NECAB1: variants seen among roughly 807,000 people sequenced by gnomAD.
NECAB1 encodes the protein N-terminal EF-hand calcium-binding protein 1.
In NECAB1, 29 loss-of-function variants were observed where a neutral mutation model predicts 57.5. The observed-to-expected ratio is 0.50, with a 90% CI of 0.38 to 0.69. The LOEUF is 0.69. Among genes scored for constraint, NECAB1 ranks in the 30% least tolerant of loss-of-function variants. The probability of loss-of-function intolerance (pLI) is 0.00; values close to 1 mark genes in which losing one functional copy is unlikely to be tolerated. For synonymous variants in NECAB1, 142 were observed against 147.7 expected (o/e 0.96, Z 0.28); for missense variants, 372 against 413.8 (o/e 0.90, Z 0.88).
At chr8:90,950,097 G>C (rs1810895110) in intron 11 of NECAB1, among the ~76,000 whole-genome samples, 1 of 152,054 alleles carries the variant, frequency 6.6e-6, no homozygotes. Flanking sequence ...TTTTGGTAAT[G>C]ATCCCACTTT....
At chr8:90,868,934 C>T (rs1808568120) in intron 3 of NECAB1, among the ~76,000 whole-genome samples, 1 of 152,198 alleles carries the variant, frequency 6.6e-6, no homozygotes, top group Non-Finnish European at 1.5e-5. Flanking sequence ...GGCCTGGAGG[C>T]CTAGGAGGGA....
intron 3 of NECAB1, among the ~76,000 whole-genome samples, chr8:90,830,500 T>C (rs1812285007): frequency 6.6e-6 from 1 of 152,078 alleles, no homozygotes; most frequent in Non-Finnish European, 1.5e-5. Flanking sequence ...AAACCGGGCT[T>C]GCCAGGCTTG....
At chr8:90,835,395 G>C (rs1812355487) in intron 3 of NECAB1, among the ~76,000 whole-genome samples, 1 of 152,056 alleles carries the variant, frequency 6.6e-6, no homozygotes, top group Non-Finnish European at 1.5e-5. Context: ...GACTTGCCAG[G>C]CTTGGGCTTA....
intron 3 of NECAB1, among the ~76,000 whole-genome samples, chr8:90,834,814 A>G (rs1172853016): frequency 6.6e-6 from 1 of 152,108 alleles, no homozygotes; most frequent in African/African-American, 2.4e-5. Flanking sequence ...TATGCATTCT[A>G]TTTTAATCAT....
chr8:90,807,005 G>T (rs184811379), intron 2 of NECAB1, among the ~76,000 whole-genome samples: 94 of 152,114 alleles, frequency 6.2e-4, no homozygotes, highest in Middle Eastern at 6.8e-3. Context: ...TCACTTTGTT[G>T]TATATGCACC....
intron 3 of NECAB1, among the ~76,000 whole-genome samples, chr8:90,869,016 T>G (rs1604919): frequency 0.43 from 65,827 of 152,120 alleles, 16,634 homozygotes; most frequent in East Asian, 0.77. Context: ...CCCTGCATCT[T>G]GGCCGCAGCT....
chr8:90,911,841 T>G (rs1400096432), intron 5 of NECAB1, among the ~76,000 whole-genome samples: 1 of 152,160 alleles, frequency 6.6e-6, no homozygotes, highest in African/African-American at 2.4e-5. Context: ...AATGGGTTAA[T>G]AGCAATAATG....
chr8:90,852,808 A>G (rs1812710804), intron 3 of NECAB1, among the ~76,000 whole-genome samples: 1 of 152,176 alleles, frequency 6.6e-6, no homozygotes, highest in Non-Finnish European at 1.5e-5. Context: ...AGCCACTTTC[A>G]TCAGCAATAA....
intron 12 of NECAB1, among the ~76,000 whole-genome samples, chr8:90,952,709 G>T (rs1238425278): frequency 6.6e-6 from 1 of 151,914 alleles, no homozygotes; most frequent in South Asian, 2.1e-4. Context: ...CCCAGGAGGC[G>T]GAGGGTTGCA....
At chr8:90,809,220 C>A (rs1472394253) in intron 2 of NECAB1, among the ~76,000 whole-genome samples, 5 of 152,196 alleles carry the variant, frequency 3.3e-5, no homozygotes, top group Non-Finnish European at 7.3e-5. Context: ...CATCTCAGGA[C>A]AGGAACCACC....
At chr8:90,806,041 T>C (rs981182845) in intron 2 of NECAB1, among the ~76,000 whole-genome samples, 5 of 152,240 alleles carry the variant, frequency 3.3e-5, no homozygotes, top group African/African-American at 9.6e-5. Context: ...TATTTGTTTT[T>C]GTGTGGGGTG....
At chr8:90,941,930 A>G (rs999058314) in intron 10 of NECAB1, among the ~76,000 whole-genome samples, 4 of 152,146 alleles carry the variant, frequency 2.6e-5, no homozygotes, top group Non-Finnish European at 5.9e-5. Context: ...TATATTTCAT[A>G]ATGCTCTTCA....
At chr8:90,800,463 A>G (rs1195113716) in intron 1 of NECAB1, among the ~76,000 whole-genome samples, 4 of 152,140 alleles carry the variant, frequency 2.6e-5, no homozygotes, top group Admixed American at 6.5e-5. Context: ...TGGGTTTGGC[A>G]TAGATGGCTC....
intron 5 of NECAB1, among the ~76,000 whole-genome samples, chr8:90,910,373 AT>A (rs985108933): frequency 6.6e-6 from 1 of 151,912 alleles, no homozygotes; most frequent in Non-Finnish European, 1.5e-5. Context: ...GACCTTAATA[AT>A]TTTTTGCTGC....
At chr8:90,837,480 A>T (rs1362657285) in intron 3 of NECAB1, among the ~76,000 whole-genome samples, 1 of 152,236 alleles carries the variant, frequency 6.6e-6, no homozygotes, top group African/African-American at 2.4e-5. Context: ...TGAGCAATTT[A>T]AAATTTATGA....
At chr8:90,844,991 G>A (rs1327443127) in intron 3 of NECAB1, among the ~76,000 whole-genome samples, 1 of 152,150 alleles carries the variant, frequency 6.6e-6, no homozygotes, top group Non-Finnish European at 1.5e-5. Context: ...TGGGTCATCA[G>A]GGTGAAGACC....
At chr8:90,898,998 A>G (rs1809430933) in intron 5 of NECAB1, among the ~76,000 whole-genome samples, 2 of 152,226 alleles carry the variant, frequency 1.3e-5, no homozygotes, top group African/African-American at 4.8e-5. Flanking sequence ...AGAGGGAACA[A>G]GAGCAGTGGG....
At chr8:90,848,032 G>A (rs2129765619) in intron 3 of NECAB1, among the ~76,000 whole-genome samples, 1 of 152,290 alleles carries the variant, frequency 6.6e-6, no homozygotes, top group South Asian at 2.1e-4. Flanking sequence ...CCCAGAAAAT[G>A]GGTTTGTCTT....
chr8:90,808,627 CT>C (rs1238295231), intron 2 of NECAB1, among the ~76,000 whole-genome samples: 4 of 143,490 alleles, frequency 2.8e-5, no homozygotes, highest in African/African-American at 5.3e-5. Flanking sequence ...CATCCTAATC[CT>C]TTTTTTCTTT....
Sources: allele counts gnomAD v4.1 joint callset (sites outside exome capture counted in the v4.1 genomes callset), GRCh38; gene constraint gnomAD v4.1.1; transcripts MANE v1.5; gene names NCBI Gene and HGNC (gene_info 2026-07-23, HGNC 2026-07-21).